Variants in SSBP3 observed in about 807,000 individuals in gnomAD.
SSBP3 encodes single stranded DNA binding protein 3.
In SSBP3, 5 loss-of-function variants were observed where a neutral mutation model predicts 69.6. That is an observed-to-expected ratio of 0.07 (90% CI 0.04 to 0.15). SSBP3 has a LOEUF of 0.15. Among genes scored for constraint, SSBP3 ranks in the 10% least tolerant of loss-of-function variants. The pLI is 1.00. For missense variants in SSBP3, 312 were observed against 534.0 expected (o/e 0.58, Z 4.10); for synonymous variants, 196 against 193.4 (o/e 1.01, Z -0.11).
At chr1:54,394,238 T>C (rs964728659) in intron 4 of SSBP3, among the ~76,000 whole-genome samples, 1 of 152,210 alleles carries the variant, frequency 6.6e-6, no homozygotes. Flanking sequence ...GCAGGGCACC[T>C]TTCCCTCTGC....
chr1:54,227,004 G>A, exon 18 of SSBP3: 1 of 803,614 alleles, frequency 1.2e-6, no homozygotes, highest in East Asian at 2.5e-5. Flanking sequence ...GGGTGGGAGG[G>A]GGTTGAGGGG....
At chr1:54,284,367 A>G (rs1645450023) in intron 4 of SSBP3, among the ~76,000 whole-genome samples, 2 of 152,022 alleles carry the variant, frequency 1.3e-5, no homozygotes, top group Non-Finnish European at 2.9e-5. Flanking sequence ...GGCCACTTGT[A>G]GATCTAATTT....
intron 4 of SSBP3, among the ~76,000 whole-genome samples, chr1:54,381,382 CAAAAAAAAA>C (rs59809996): frequency 0.012 from 846 of 69,516 alleles, 19 homozygotes; most frequent in African/African-American, 0.033. Context: ...TACACCATCT[CAAAAAAAAA>C]AAAAAAAAAA....
chr1:54,390,666 G>A (rs1648418319), intron 4 of SSBP3, among the ~76,000 whole-genome samples: 1 of 152,210 alleles, frequency 6.6e-6, no homozygotes, highest in Admixed American at 6.5e-5. Context: ...CCATCAATTG[G>A]CCAATTCGGA....
At chr1:54,386,986 A>G (rs1648134280) in intron 4 of SSBP3, among the ~76,000 whole-genome samples, 2 of 151,782 alleles carry the variant, frequency 1.3e-5, no homozygotes, top group African/African-American at 2.4e-5. Flanking sequence ...GACCCTCCAC[A>G]CCGGGGCACC....
At chr1:54,393,616 C>G (rs1277467517) in intron 4 of SSBP3, among the ~76,000 whole-genome samples, 2 of 152,102 alleles carry the variant, frequency 1.3e-5, no homozygotes, top group African/African-American at 4.8e-5. Context: ...AAAGCAAGAC[C>G]ACGTCTCTAC....
At position 54,347,166 on chromosome 1, in the gene SSBP3, C is replaced by A. The variant is rs984433533; in HGVS notation, c.276+54695G>T. Among the ~76,000 whole-genome samples, 3 of 152,094 alleles carry A rather than the reference C, an allele frequency of 2.0e-5. No individual in the cohort carries two copies. The South Asian group carries it at 6.2e-4, about 32-fold the overall frequency. On this transcript the variant is annotated intron_variant, in intron 4 of 17. Coordinates refer to ENST00000610401, the Ensembl canonical transcript of SSBP3. ...ATTTTTACATAGAGATGGGGTCTCACTATGTTAACCAAGCCAGTCTTGAAT... is the reference window on the plus strand; with the variant it reads ...ATTTTTACATAGAGATGGGGTCTCAATATGTTAACCAAGCCAGTCTTGAAT...
intron 4 of SSBP3, among the ~76,000 whole-genome samples, chr1:54,375,093 G>C (rs577338156): frequency 2.0e-5 from 3 of 152,146 alleles, no homozygotes. Context: ...CATGCTACCC[G>C]TCTTCTCCAC....
chr1:54,339,634 C>T (rs923070360), intron 4 of SSBP3, among the ~76,000 whole-genome samples: 7 of 151,952 alleles, frequency 4.6e-5, no homozygotes, highest in African/African-American at 1.7e-4. Context: ...AAAGATCAGC[C>T]GGGCATGGTG....
At chr1:54,247,054 C>G (rs1318268313) in intron 9 of SSBP3, among the ~76,000 whole-genome samples, 1 of 152,244 alleles carries the variant, frequency 6.6e-6, no homozygotes, top group African/African-American at 2.4e-5. Flanking sequence ...TCCAGTGCAG[C>G]CGTGGGGCTG....
chr1:54,308,574 C>G (rs1645941568), intron 4 of SSBP3, among the ~76,000 whole-genome samples: 1 of 149,604 alleles, frequency 6.7e-6, no homozygotes, highest in Non-Finnish European at 1.5e-5. Flanking sequence ...GCACTCCAGC[C>G]TGGCCGACAG....
chr1:54,334,495 A>G (rs917281180), intron 4 of SSBP3, among the ~76,000 whole-genome samples: 1 of 152,162 alleles, frequency 6.6e-6, no homozygotes, highest in African/African-American at 2.4e-5. Context: ...GGACCCACTC[A>G]TTAGCTCCAA....
intron 4 of SSBP3, among the ~76,000 whole-genome samples, chr1:54,389,443 C>G (rs1648325496): frequency 6.6e-6 from 1 of 152,134 alleles, no homozygotes; most frequent in Non-Finnish European, 1.5e-5. Flanking sequence ...AGTCAGGAAC[C>G]CTATGAGCCC....
chr1:54,367,254 C>T (rs1647042997), intron 4 of SSBP3, among the ~76,000 whole-genome samples: 1 of 152,144 alleles, frequency 6.6e-6, no homozygotes, highest in Admixed American at 6.6e-5. Flanking sequence ...CCATAAACCC[C>T]CGCCCTGATA....
chr1:54,381,989 T>G (rs1279544730), intron 4 of SSBP3, among the ~76,000 whole-genome samples: 1 of 152,006 alleles, frequency 6.6e-6, no homozygotes, highest in Non-Finnish European at 1.5e-5. Context: ...AAGTCAGGAG[T>G]TCGAGATCAG....
chr1:54,344,127 C>A (rs980547803), intron 4 of SSBP3, among the ~76,000 whole-genome samples: 1 of 151,984 alleles, frequency 6.6e-6, no homozygotes, highest in Admixed American at 6.5e-5. Context: ...AGTGGACTGA[C>A]ATTACCCTAC....
At chr1:54,353,451 T>C (rs941898842) in intron 4 of SSBP3, among the ~76,000 whole-genome samples, 1 of 152,164 alleles carries the variant, frequency 6.6e-6, no homozygotes, top group Non-Finnish European at 1.5e-5. Context: ...GCTTCAGCCT[T>C]AAAGATTTTT....
intron 4 of SSBP3, among the ~76,000 whole-genome samples, chr1:54,398,507 G>A (rs1365185839): frequency 6.6e-6 from 1 of 152,204 alleles, no homozygotes; most frequent in Non-Finnish European, 1.5e-5. Flanking sequence ...TCAAAGCGGA[G>A]AAGGTGGCCA....
At chr1:54,374,767 G>A (rs1363769137) in intron 4 of SSBP3, among the ~76,000 whole-genome samples, 1 of 152,112 alleles carries the variant, frequency 6.6e-6, no homozygotes, top group African/African-American at 2.4e-5. Context: ...GTAAAATGCA[G>A]ACCCCACCTA....
Sources: gnomAD v4.1 joint callset for allele counts (sites outside exome capture counted in the v4.1 genomes callset) on GRCh38, gnomAD v4.1.1 for gene constraint, MANE v1.5 for transcripts, NCBI Gene and HGNC (gene_info 2026-07-23, HGNC 2026-07-21) for gene names.